TTLL5: variants seen among roughly 807,000 people sequenced by gnomAD.
TTLL5 encodes tubulin polyglutamylase TTLL5.
Under a neutral mutation model 168.4 loss-of-function variants are expected in TTLL5, and 132 were observed. The ratio of observed to expected loss-of-function variants is 0.78; its 90% CI spans 0.68 to 0.91. The LOEUF (loss-of-function observed/expected upper bound fraction) is 0.91. Ranked by LOEUF, TTLL5 falls within the 40% of genes least tolerant of loss-of-function variation. The pLI, the probability that TTLL5 is intolerant of heterozygous loss-of-function variation, is 0.00. For synonymous variants in TTLL5, 546 were observed against 558.6 expected (o/e 0.98, Z 0.32); for missense variants, 1,545 against 1,581.5 (o/e 0.98, Z 0.39).
chr14:75,931,010 C>G (rs2034259455), intron 31 of TTLL5, among the ~76,000 whole-genome samples: 2 of 152,138 alleles, frequency 1.3e-5, no homozygotes, highest in South Asian at 4.1e-4. Context: ...TCATATTATT[C>G]TCTAAGATCC....
intron 2 of TTLL5, among the ~76,000 whole-genome samples, chr14:75,668,159 G>T (rs1883435539): frequency 6.6e-6 from 1 of 152,164 alleles, no homozygotes; most frequent in Non-Finnish European, 1.5e-5. Context: ...GAGTTTTTAA[G>T]AGTCGAGTGA....
intron 20 of TTLL5, among the ~76,000 whole-genome samples, chr14:75,770,008 A>C (rs978589696): frequency 1.3e-5 from 2 of 151,782 alleles, no homozygotes; most frequent in Middle Eastern, 3.2e-3. Flanking sequence ...GTGAAACTCT[A>C]TCTCTATTAA....
At chr14:75,846,853 A>G (rs1896575435) in intron 28 of TTLL5, among the ~76,000 whole-genome samples, 1 of 151,740 alleles carries the variant, frequency 6.6e-6, no homozygotes, top group Admixed American at 6.6e-5. Flanking sequence ...GTTGGCCTCC[A>G]GGCCATTTAT....
intron 18 of TTLL5, among the ~76,000 whole-genome samples, chr14:75,755,033 G>A (rs1038238440): frequency 1.1e-4 from 16 of 152,130 alleles, no homozygotes; most frequent in African/African-American, 3.4e-4. Context: ...GGGAGGCTGA[G>A]GTGGGCAGAT....
intron 30 of TTLL5, among the ~76,000 whole-genome samples, chr14:75,899,655 C>A (rs1257809365): frequency 6.6e-6 from 1 of 151,958 alleles, no homozygotes; most frequent in Non-Finnish European, 1.5e-5. Flanking sequence ...GTCTCCAAGG[C>A]CTTTGATGGG....
chr14:75,819,054 GTA>G (rs996552121), intron 27 of TTLL5, among the ~76,000 whole-genome samples: 1 of 152,110 alleles, frequency 6.6e-6, no homozygotes, highest in Non-Finnish European at 1.5e-5. Context: ...TGTAAAATGA[GTA>G]TTATGGTACT....
Position 75,669,534 on chromosome 14 carries a change from C to T in TTLL5, c.181+12C>T. 1 of 1,611,094 alleles carries T rather than the reference C, an allele frequency of 6.2e-7. No individual in the cohort carries two copies. The highest frequency in any genetic ancestry group is 8.5e-7 in the Non-Finnish European group (1 of 1,177,510). The stretch of plus-strand genomic sequence containing the variant: ...TAGAGTAATTGGAGGTGCGTATAAC[C>T]TCTCCCACAGAGGACGGAGCTGGGC... On this transcript the variant is annotated intron_variant, in intron 3 of 31. Transcript: ENST00000298832.
At chr14:75,770,551 A>G (rs908138801) in intron 20 of TTLL5, among the ~76,000 whole-genome samples, 1 of 152,232 alleles carries the variant, frequency 6.6e-6, no homozygotes, top group Non-Finnish European at 1.5e-5. Context: ...CTACAGTATC[A>G]GAAGGCCGAT....
intron 13 of TTLL5, 56 bp downstream of exon 13, chr14:75,732,475 C>CT (rs5809726): frequency 0.023 from 25,057 of 1,112,182 alleles, 108 homozygotes; most frequent in African/African-American, 0.093. Flanking sequence ...ACTTAAAGCA[C>CT]TTTTTTTTTT....
chr14:75,717,706 A>C, intron 9 of TTLL5, 155 bp from the exon 10 acceptor site: 1 of 632,444 alleles, frequency 1.6e-6, no homozygotes. Context: ...TGACATTATA[A>C]AACACTTAGA....
At chr14:75,891,667 G>A (rs1163210121) in intron 30 of TTLL5, among the ~76,000 whole-genome samples, 1 of 152,174 alleles carries the variant, frequency 6.6e-6, no homozygotes, top group East Asian at 1.9e-4. Context: ...TGGTGACATG[G>A]TATTCTGTGT....
At chr14:75,745,444 T>A (rs1391872325) in intron 16 of TTLL5, 46 bp from the exon 17 acceptor site, 1 of 1,586,814 alleles carries the variant, frequency 6.3e-7, no homozygotes, top group Non-Finnish European at 8.7e-7. Context: ...CCACATGGAC[T>A]CCGGTTTTCA....
At chr14:75,819,914 C>A in intron 27 of TTLL5, 93 bp from the exon 28 acceptor site, 1 of 1,387,870 alleles carries the variant, frequency 7.2e-7, no homozygotes, top group Non-Finnish European at 9.7e-7. Context: ...GGGTCAGCAT[C>A]TGTTGGCCTT....
chr14:75,689,263 C>T (rs1050068204), intron 5 of TTLL5, among the ~76,000 whole-genome samples: 2 of 152,190 alleles, frequency 1.3e-5, no homozygotes, highest in Admixed American at 1.3e-4. Flanking sequence ...AGCCTGATGA[C>T]TGCAGTGCTG....
At chr14:75,698,762 G>A (rs1212393129) in intron 6 of TTLL5, among the ~76,000 whole-genome samples, 1 of 152,054 alleles carries the variant, frequency 6.6e-6, no homozygotes, top group African/African-American at 2.4e-5. Context: ...ACAATTAGCT[G>A]GGCATGGTGG....
In TTLL5 at chr14:75,718,039, G is replaced by A. The variant is rs1887586775; in HGVS notation, c.842+77G>A. 5 of 1,313,270 alleles carry A rather than the reference G, an allele frequency of 3.8e-6. No homozygotes were observed. The South Asian group carries it at 6.0e-5, about 16-fold the overall frequency. The allele number at this position is 1,313,270 out of a possible 1,614,324, so 81.4% of individuals were successfully genotyped here. A position where few individuals can be genotyped will look rare whatever the true frequency, so the allele number is the denominator to read the frequency against. On this transcript the variant is annotated intron_variant, in intron 10 of 31. Transcript: ENST00000298832. ...TGTTGTAGAGGTGGAAAGGTAACAT[G>A]TGGCACTGGAGGACAACTTTACATT...
intron 29 of TTLL5, among the ~76,000 whole-genome samples, chr14:75,865,239 C>T (rs946739129): frequency 3.3e-5 from 5 of 151,446 alleles, no homozygotes; most frequent in African/African-American, 1.2e-4. Context: ...TTCACAATTC[C>T]AGATACAAAT....
intron 31 of TTLL5, among the ~76,000 whole-genome samples, chr14:75,907,824 G>A (rs2033205355): frequency 1.3e-5 from 2 of 152,182 alleles, no homozygotes; most frequent in South Asian, 4.1e-4. Context: ...GAAGACTAAA[G>A]CAAGAAGGTC....
At chr14:75,779,025 G>A (rs1891891234) in intron 23 of TTLL5, among the ~76,000 whole-genome samples, 1 of 152,156 alleles carries the variant, frequency 6.6e-6, no homozygotes, top group Non-Finnish European at 1.5e-5. Context: ...AACTGTAAAG[G>A]TCCAGATAAT....
Sources: gnomAD v4.1 joint callset for allele counts (sites outside exome capture counted in the v4.1 genomes callset) on GRCh38, gnomAD v4.1.1 for gene constraint, MANE v1.5 for transcripts, NCBI Gene and HGNC (gene_info 2026-07-23, HGNC 2026-07-21) for gene names.